PLEC: variants seen among roughly 807,000 people sequenced by gnomAD.
PLEC encodes plectin, also known as hemidesmosomal protein 1.
In PLEC, 216 loss-of-function variants were observed where a neutral mutation model predicts 392.8. The ratio of observed to expected loss-of-function variants is 0.55; its 90% CI spans 0.49 to 0.62. The LOEUF (loss-of-function observed/expected upper bound fraction) is 0.62. PLEC is among the 20% of genes least tolerant of loss of function. PLEC has a pLI of 0.00. For synonymous variants in PLEC, 3,621 were observed against 2,980.6 expected, an observed-to-expected ratio of 1.21 and a Z score of -7.00; for missense variants, 6,863 against 6,563.4, an observed-to-expected ratio of 1.05 and a Z score of -1.58.
intron 3 of PLEC, 36 bp downstream of exon 3, chr8:143,938,115 G>A (rs782454061): frequency 1.6e-5 from 24 of 1,503,772 alleles, no homozygotes; most frequent in Non-Finnish European, 2.1e-5. Flanking sequence ...TCCAGGTGGG[G>A]CAGGCGGGGC....
rs1554687565 is a variant in PLEC, at chr8:143,921,898, C to T, written c.7923G>A (p.Glu2641=). ...GCAGGCCATCGAAGCTGTGCTCCGG[C>T]TCTGCCTCTGCCGCGGGGCCATCAA... ...DALDGPAAEA[E]PEHSFDGLRR... Residue 2641 remains glutamate, a synonymous_variant, in exon 32 of 32, where the codon GAG becomes GAA. Transcript: ENST00000345136. 1.9e-6 allele frequency: 3 copies of T among 1,600,176 alleles called. No individual in the cohort carries two copies. The highest frequency in any genetic ancestry group is 2.5e-6 in the Non-Finnish European group (3 of 1,179,722).
upstream of PLEC, chr8:143,973,534 C>G: frequency 8.5e-7 from 1 of 1,177,724 alleles, no homozygotes; most frequent in Non-Finnish European, 1.1e-6. This position sits in a 1 kb window ranked among gnomAD's most constrained non-coding sequence, Gnocchi z 5.6. Flanking sequence ...CACTCTGTCC[C>G]CGCGGCCGCG....
intron 1 of PLEC, among the ~76,000 whole-genome samples, chr8:143,971,165 G>A (rs1833410918): frequency 1.3e-5 from 2 of 152,198 alleles, no homozygotes; most frequent in African/African-American, 4.8e-5. Context: ...GGGGGTGAAG[G>A]TCACCGGAGT....
Position 143,917,271 on chromosome 8 carries a change from AGATGGT to A in PLEC, c.12544_12549del (p.Thr4182_Ile4183del), listed in dbSNP as rs782006232. ...GACTTGACCACGCCGTCCGAGGAGGAGATGGTGATCTCCTCCCACTCGCACTCCTGC... is the reference window on the plus strand; with the variant it reads ...GACTTGACCACGCCGTCCGAGGAGGAGATCTCCTCCCACTCGCACTCCTGC... On this transcript the variant is annotated inframe_deletion, in exon 32 of 32. Transcript: ENST00000345136. 6.2e-7 allele frequency: 1 copy of A among 1,610,392 alleles called. No individual in the cohort carries two copies. Among genetic ancestry groups the A allele is most frequent in the Non-Finnish European group, 8.5e-7 (1 of 1,178,660 alleles).
Position 143,917,861 on chromosome 8 carries a change from A to G in PLEC, c.11960T>C (p.Val3987Ala), listed in dbSNP as rs1466006788. Residue 3987 changes from valine (V) to alanine (A), a missense_variant, in exon 32 of 32, where the codon GTG becomes GCG. Physicochemically the swap from Val to Ala is moderately conservative, Grantham distance 64. Transcript: ENST00000345136. ...AATGCCCATACGCACAGCCTCCTCC[A>G]CCGTCAGCTTCAGTCCCTTGATGGG... The part of the protein sequence containing the change: ...IDPIKGLKLT[V>A]EEAVRMGIVG... The G allele has an allele frequency of 1.2e-6, 2 of 1,612,904 alleles. No homozygotes were observed. The highest frequency in any genetic ancestry group is 2.7e-5 in the African/African-American group (2 of 74,848).
At position 143,917,712 on chromosome 8, in the gene PLEC, C is replaced by G; in HGVS notation, c.12109G>C (p.Asp4037His). 6.2e-7 allele frequency: 1 copy of G among 1,613,642 alleles called. No homozygotes were observed. Among genetic ancestry groups the G allele is most frequent in the Non-Finnish European group, 8.5e-7 (1 of 1,180,024 alleles). The change falls in exon 32 of 32, where the codon GAC (aspartate) becomes CAC (histidine). Residue 4037 changes from aspartate (D) to histidine (H), a missense_variant. Physicochemically the swap from Asp to His is moderately conservative, Grantham distance 81 (BLOSUM62 -1). Transcript: ENST00000345136. ...QAMKKGLILK[D>H]HGIRLLEAQI... ...GCCTCCAGCAGGCGGATGCCATGGT[C>G]CTTCAGGATCAGGCCCTTCTTCATG...
intron 1 of PLEC, among the ~76,000 whole-genome samples, chr8:143,947,987 G>A (rs782383763): frequency 2.2e-4 from 34 of 152,136 alleles, no homozygotes; most frequent in Admixed American, 3.3e-4. Flanking sequence ...TTCCCATCAC[G>A]CTCTCCTCAC....
In PLEC at chr8:143,922,025, T is replaced by C. The variant is rs1455590129; in HGVS notation, c.7796A>G (p.Gln2599Arg). 2.5e-6 allele frequency: 4 copies of C among 1,597,220 alleles called. No homozygotes were observed. Among genetic ancestry groups the C allele is most frequent in the Non-Finnish European group, 2.5e-6 (3 of 1,179,354 alleles). The change falls in exon 32 of 32, where the codon CAG (glutamine) becomes CGG (arginine). Residue 2599 changes from glutamine to arginine, a missense_variant. Coordinates refer to ENST00000345136, the MANE Select transcript of PLEC (RefSeq NM_201384.3). ...EENQRLREQL[Q>R]LLEEQHRAAL... ...GGCCCGGTGCTGCTCCTCCAGGAGC[T>C]GCAGCTGCTCACGCAGCCTCTGGTT...
chr8:143,930,153 G>A lies in PLEC; in HGVS notation c.2603C>T (p.Ala868Val). 6.3e-7 allele frequency: 1 copy of A among 1,580,706 alleles called. No homozygotes were observed. The highest frequency in any genetic ancestry group is 8.6e-7 in the Non-Finnish European group (1 of 1,169,490). Residue 868 changes from alanine to valine, a missense_variant, in exon 21 of 32, where the codon GCC becomes GTC. Transcript: ENST00000345136. Reference protein sequence around the residue: ...VPPPNQEAQEAVTRLEAQHQA... With the variant: ...VPPPNQEAQEVVTRLEAQHQA... ...AGCCCCCGCCACCCACCTGGTGACG[G>A]CCTCCTGGGCCTCCTGGTTGGGCGG...
rs889527306 is a variant in PLEC, at chr8:143,930,480, C to T, written c.2361G>A (p.Arg787=). ...GCTTCAGCTGCACGACGGCCTTGGC[C>T]CGCTTGGCCAGGCCTGAGAGGTGGC... ...YKGHLSGLAK[R]AKAVVQLKPR... The change falls in exon 20 of 32, where the codon CGG becomes CGA. Residue 787 remains arginine, a synonymous_variant. Coordinates refer to ENST00000345136, the MANE Select transcript of PLEC (RefSeq NM_201384.3). The T allele has an allele frequency of 8.2e-6, 13 of 1,593,620 alleles. No homozygotes were observed. Among genetic ancestry groups the T allele is most frequent in the East Asian group, 2.3e-5 (1 of 43,598 alleles).
In PLEC at chr8:143,924,548, C is replaced by T. The variant is rs868951813; in HGVS notation, c.5381G>A (p.Gly1794Asp). 3 of 1,542,082 alleles carry T rather than the reference C, an allele frequency of 1.9e-6. No individual in the cohort carries two copies. Among genetic ancestry groups the T allele is most frequent in the Non-Finnish European group, 2.6e-6 (3 of 1,150,812 alleles). Residue 1794 changes from glycine (G) to aspartate (D), a missense_variant, in exon 31 of 32, where the codon GGC becomes GAC. Gly to Asp is a moderately conservative substitution (Grantham distance 94, BLOSUM62 -1). Transcript: ENST00000345136. ...CTCCTCGGCCAGCTCGCGGAACCGG[C>T]CGGCCTCGGCCTCCAGCCTCTGCTT... ...KSKQRLEAEA[G>D]RFRELAEEAA...
intron 1 of PLEC, among the ~76,000 whole-genome samples, chr8:143,960,511 G>A (rs1587397892): frequency 6.6e-6 from 1 of 151,600 alleles, no homozygotes; most frequent in East Asian, 2.0e-4. Context: ...CAGCTACTCA[G>A]GAGGCTGAGG....
intron 30 of PLEC, among the ~76,000 whole-genome samples, chr8:143,926,397 G>A (rs1554705312): frequency 2.0e-5 from 3 of 152,348 alleles, no homozygotes; most frequent in African/African-American, 4.8e-5. Context: ...GAAGCCAACA[G>A]ATGGGTGCCT....
upstream of PLEC, among the ~76,000 whole-genome samples, chr8:143,952,342 C>G (rs1369524462): frequency 6.6e-6 from 1 of 152,216 alleles, no homozygotes; most frequent in Non-Finnish European, 1.5e-5. Context: ...CTCTCCCTCC[C>G]TCTGAAGCCA....
upstream of PLEC, chr8:143,942,410 G>A (rs2132466243): frequency 1.2e-6 from 2 of 1,607,058 alleles, no homozygotes; most frequent in East Asian, 4.5e-5. Flanking sequence ...CACAGCTGCT[G>A]GTAGAGGTAG....
Position 143,929,921 on chromosome 8 carries a change from C to A in PLEC, c.2739+15G>T. ...CCTCCCACCCAGAGAGCCCCCGGCT[C>A]GGGGGCAGGCGTACCGTGGCCAGGG... On this transcript the variant is annotated intron_variant, in intron 22 of 31. Transcript: ENST00000345136. 6.2e-7 allele frequency: 1 copy of A among 1,607,890 alleles called. No individual in the cohort carries two copies.
In PLEC at chr8:143,924,651, C is replaced by A. The variant is rs1824261686; in HGVS notation, c.5278G>T (p.Val1760Leu). The change falls in exon 31 of 32, where the codon GTG (valine) becomes TTG (leucine). Residue 1760 changes from valine (V) to leucine (L), a missense_variant. Coordinates refer to ENST00000345136, the MANE Select transcript of PLEC (RefSeq NM_201384.3). Reference sequence around the variant, plus strand: ...AGCAGCACCTCCATCTCGGCCCGCACCTTGGCCAGCTCGGCTTCCAGCTCC... The same window carrying A: ...AGCAGCACCTCCATCTCGGCCCGCAACTTGGCCAGCTCGGCTTCCAGCTCC... ...RQELEAELAK[V>L]RAEMEVLLAS... 6.5e-7 allele frequency: 1 copy of A among 1,537,012 alleles called. No homozygotes were observed. The highest frequency in any genetic ancestry group is 1.9e-5 in the Admixed American group (1 of 51,312).
rs375527116 is a variant in PLEC at position 143,920,426 on chromosome 8, C to T, written c.9395G>A (p.Arg3132His). The change falls in exon 32 of 32, where the codon CGC becomes CAC. Residue 3132 changes from arginine to histidine, a missense_variant. Physicochemically the swap from Arg to His is conservative, Grantham distance 29. Transcript: ENST00000345136. Reference sequence around the variant, plus strand: ...CGTGGACAGCTGGGCGTCCAACAGGCGCAGGCCCTGCTCCCGGGGAATGAG... The same window carrying T: ...CGTGGACAGCTGGGCGTCCAACAGGTGCAGGCCCTGCTCCCGGGGAATGAG... ...KGLIPREQGLRLLDAQLSTGG... is the reference protein window; with the variant it reads ...KGLIPREQGLHLLDAQLSTGG... The T allele has an allele frequency of 1.6e-5, 26 of 1,596,502 alleles. No homozygotes were observed. The highest frequency in any genetic ancestry group is 8.9e-5 in the South Asian group (8 of 90,368).
rs782114280 is a variant in PLEC at position 143,920,231 on chromosome 8, T to C, written c.9590A>G (p.Gln3197Arg). 1.7e-5 allele frequency: 27 copies of C among 1,604,748 alleles called. No individual in the cohort carries two copies. In the South Asian group the frequency reaches 3.0e-4, roughly 18 times the overall value. ...GEPATYGELQQRCRPDQLTGL... is the reference protein window; with the variant it reads ...GEPATYGELQRRCRPDQLTGL... ...GGTCAGCTGGTCGGGCCGGCACCGCTGCTGGAGCTCGCCGTAGGTGGCCGG... is the reference window on the plus strand; with the variant it reads ...GGTCAGCTGGTCGGGCCGGCACCGCCGCTGGAGCTCGCCGTAGGTGGCCGG... The change falls in exon 32 of 32, where the codon CAG becomes CGG. Residue 3197 changes from glutamine (Q) to arginine (R), a missense_variant. Gln to Arg is a conservative substitution (Grantham distance 43, BLOSUM62 1). Coordinates refer to ENST00000345136, the MANE Select transcript of PLEC (RefSeq NM_201384.3).
Sources: gnomAD v4.1 joint callset for allele counts (sites outside exome capture counted in the v4.1 genomes callset) on GRCh38, gnomAD v4.1.1 for gene constraint, Gnocchi (gnomAD v3.1) non-coding constraint, MANE v1.5 for transcripts, NCBI Gene and HGNC (gene_info 2026-07-23, HGNC 2026-07-21) for gene names.